The following NCOA2 variants were observed in gnomAD, a reference collection of about 807,000 sequenced individuals.
NCOA2 encodes the protein nuclear receptor coactivator 2.
A neutral mutation model predicts 145.1 loss-of-function variants in NCOA2; 21 were observed. The observed-to-expected ratio is 0.14, with a 90% CI of 0.10 to 0.21. NCOA2 has a LOEUF of 0.21. Among genes scored for constraint, NCOA2 ranks in the 10% least tolerant of loss-of-function variants. NCOA2 has a pLI of 1.00. For missense variants in NCOA2, 1,472 were observed against 1,837.6 expected (o/e 0.80, Z 3.64); for synonymous variants, 619 against 637.5 (o/e 0.97, Z 0.44).
At chr8:70,396,101 C>A (rs746978424) in intron 1 of NCOA2, among the ~76,000 whole-genome samples, 18 of 152,244 alleles carry the variant, frequency 1.2e-4, no homozygotes, top group Admixed American at 2.6e-4. Context: ...AATACCTCAA[C>A]ACCTAGTCAT....
intron 7 of NCOA2, 32 bp from the exon 8 acceptor site, chr8:70,163,598 T>C: frequency 6.4e-7 from 1 of 1,556,868 alleles, no homozygotes. Context: ...TTTATCATAT[T>C]GGGCTTTTCT....
chr8:70,139,015 G>A (rs190786603), intron 14 of NCOA2, among the ~76,000 whole-genome samples: 1 of 152,236 alleles, frequency 6.6e-6, no homozygotes, highest in Non-Finnish European at 1.5e-5. Context: ...GCACCATGTC[G>A]AGACTGCTGG....
At chr8:70,361,324 G>A (rs1586594899) in intron 1 of NCOA2, among the ~76,000 whole-genome samples, 1 of 151,990 alleles carries the variant, frequency 6.6e-6, no homozygotes, top group Non-Finnish European at 1.5e-5. Flanking sequence ...GTGAAACCCT[G>A]TCTCTATTAA....
intron 1 of NCOA2, among the ~76,000 whole-genome samples, chr8:70,317,825 C>CA (rs1440531924): frequency 6.6e-6 from 1 of 151,832 alleles, no homozygotes; most frequent in Admixed American, 6.6e-5. Context: ...TTTGGGAGGC[C>CA]AAGGCAGGAG....
chr8:70,154,481 T>C (rs1424857638), intron 11 of NCOA2, among the ~76,000 whole-genome samples: 2 of 152,224 alleles, frequency 1.3e-5, no homozygotes, highest in African/African-American at 4.8e-5. Context: ...GGTGCAGTCA[T>C]AGCTCACTGC....
intron 4 of NCOA2, among the ~76,000 whole-genome samples, chr8:70,196,434 G>A (rs1426831999): frequency 6.6e-6 from 1 of 151,986 alleles, no homozygotes; most frequent in African/African-American, 2.4e-5. Context: ...ACCTATGATG[G>A]ATATACATCG....
chr8:70,125,496 C>G (rs891601491), intron 19 of NCOA2, among the ~76,000 whole-genome samples: 1 of 152,108 alleles, frequency 6.6e-6, no homozygotes, highest in African/African-American at 2.4e-5. Flanking sequence ...CTCCTGAGCT[C>G]AAGAGATTCT....
intron 4 of NCOA2, among the ~76,000 whole-genome samples, chr8:70,184,674 A>G (rs768951712): frequency 2.6e-5 from 4 of 152,166 alleles, no homozygotes; most frequent in Non-Finnish European, 5.9e-5. Flanking sequence ...CGCCCTAAAG[A>G]TGGCCAATAA....
Position 70,156,180 on chromosome 8 carries a change from T to C in NCOA2, c.2185A>G (p.Thr729Ala), listed in dbSNP as rs369778520. ...SSSTAPGSEV[T>A]IKQEPVSPKK... ...GGGCTCACCGGCTCTTGTTTAATAG[T>C]CACTTCTGATCCAGGAGCTGTGCTG... Residue 729 changes from threonine to alanine, a missense_variant, in exon 11 of 23, where the codon ACT (threonine) becomes GCT (alanine). This residue lies in a region of NCOA2 where 953 missense variants were observed against 1,062.1 expected (regional missense o/e 0.90). Coordinates refer to ENST00000452400, the MANE Select transcript of NCOA2 (RefSeq NM_006540.4). 3.8e-5 allele frequency: 61 copies of C among 1,613,808 alleles called. No individual in the cohort carries two copies. The highest frequency in any genetic ancestry group is 4.7e-5 in the Non-Finnish European group (56 of 1,179,856).
At chr8:70,235,728 C>T (rs1821537304) in intron 2 of NCOA2, among the ~76,000 whole-genome samples, 1 of 152,126 alleles carries the variant, frequency 6.6e-6, no homozygotes. Flanking sequence ...CCTGTAGTGT[C>T]AGCTACTCGG....
chr8:70,172,368 A>G (rs991223800), intron 5 of NCOA2, among the ~76,000 whole-genome samples: 1 of 152,142 alleles, frequency 6.6e-6, no homozygotes, highest in African/African-American at 2.4e-5. Context: ...TTTTTCCCTT[A>G]TGTTATTAAA....
chr8:70,235,774 A>T (rs1225788350), intron 2 of NCOA2, among the ~76,000 whole-genome samples: 1 of 152,130 alleles, frequency 6.6e-6, no homozygotes, highest in Non-Finnish European at 1.5e-5. Flanking sequence ...AGCCCAGGAG[A>T]TCAAGGCTGC....
chr8:70,304,786 T>C (rs1366600677), intron 1 of NCOA2, among the ~76,000 whole-genome samples: 2 of 151,394 alleles, frequency 1.3e-5, no homozygotes, highest in Non-Finnish European at 2.9e-5. Flanking sequence ...TGAGCCACCA[T>C]GCCTGGCAAC....
intron 4 of NCOA2, among the ~76,000 whole-genome samples, chr8:70,187,442 G>C (rs1816201447): frequency 6.6e-6 from 1 of 152,062 alleles, no homozygotes; most frequent in South Asian, 2.1e-4. Flanking sequence ...CAAATACAAG[G>C]ACTGTTTAAG....
At chr8:70,124,939 G>T in intron 19 of NCOA2, 74 bp from the exon 20 acceptor site, 1 of 1,343,072 alleles carries the variant, frequency 7.4e-7, no homozygotes, top group Non-Finnish European at 1.0e-6. Flanking sequence ...GGGGGGGAAA[G>T]AACATTCCAA....
At chr8:70,441,782 G>GAGAAAGAAAGAAAGAAAGAA in the NCOA2 span, among the ~76,000 whole-genome samples, 1 of 139,282 alleles carries the variant, frequency 7.2e-6, no homozygotes, top group African/African-American at 2.7e-5. Context: ...AAAGAAAGAA[G>GAGAAAGAAAGAAAGAAAGAA]AGAAAGAAAG....
chr8:70,452,778 A>G, the NCOA2 span, among the ~76,000 whole-genome samples: 2 of 152,176 alleles, frequency 1.3e-5, no homozygotes, highest in Non-Finnish European at 2.9e-5. Flanking sequence ...AAACAAAAAC[A>G]TAAAACTTCA....
upstream of NCOA2, among the ~76,000 whole-genome samples, chr8:70,406,663 T>C (rs2131900603): frequency 6.6e-6 from 1 of 152,068 alleles, no homozygotes; most frequent in Admixed American, 6.5e-5. Flanking sequence ...GTAAAGAAAA[T>C]GACAAATTAT....
At chr8:70,341,340 C>T (rs1014160) in intron 1 of NCOA2, among the ~76,000 whole-genome samples, 37,039 of 152,088 alleles carry the variant, frequency 0.24, 5,659 homozygotes, top group East Asian at 0.57. Context: ...TAAGCTATGA[C>T]TGTGCCACAG....
Sources: allele counts gnomAD v4.1 joint callset (sites outside exome capture counted in the v4.1 genomes callset), GRCh38; gene constraint gnomAD v4.1.1; regional missense constraint gnomAD v4.1.1; transcripts MANE v1.5; gene names NCBI Gene and HGNC (gene_info 2026-07-23, HGNC 2026-07-21).